The following CTNNA2 variants were observed in gnomAD, a reference collection of about 807,000 sequenced individuals.
CTNNA2 encodes catenin alpha-2.
In CTNNA2, 42 loss-of-function variants were observed where a neutral mutation model predicts 101.0. That is an observed-to-expected ratio of 0.42 (90% CI 0.32 to 0.54). CTNNA2 has a LOEUF of 0.54. Ranked by LOEUF, CTNNA2 falls within the 20% of genes least tolerant of loss-of-function variation. The pLI, the probability that CTNNA2 is intolerant of heterozygous loss-of-function variation, is 0.14. For synonymous variants in CTNNA2, 450 were observed against 456.4 expected, an observed-to-expected ratio of 0.99 and a Z score of 0.18; for missense variants, 871 against 1,223.1, an observed-to-expected ratio of 0.71 and a Z score of 4.29.
intron 4 of CTNNA2, among the ~76,000 whole-genome samples, chr2:79,374,902 C>T (rs1038988536): frequency 1.3e-5 from 2 of 152,122 alleles, no homozygotes; most frequent in African/African-American, 4.8e-5. Context: ...AAGTCAGGCT[C>T]ATGACCTGTG....
chr2:79,262,633 GT>G (rs886732510), intron 2 of CTNNA2, among the ~76,000 whole-genome samples: 22 of 152,132 alleles, frequency 1.4e-4, no homozygotes, highest in African/African-American at 5.1e-4. Flanking sequence ...CTGGGATCTG[GT>G]TTAAAATGCG....
rs1674634461 is a variant in CTNNA2, at chr2:80,363,649, T to A, written c.1057-29562T>A. ...AGAATTGAGTCCTGCCACATTCTTA[T>A]AATGGTGCGTGCATATGGGTAGCAG... On this transcript the variant is annotated intron_variant, in intron 7 of 18. Transcript: ENST00000402739. 2.6e-5 allele frequency among the ~76,000 whole-genome samples: 4 copies of A among 152,296 alleles called. No homozygotes were observed. In the South Asian group the frequency reaches 8.3e-4, roughly 32 times the overall value.
intron 3 of CTNNA2, among the ~76,000 whole-genome samples, chr2:79,759,658 C>A (rs1309143766): frequency 6.6e-6 from 1 of 152,156 alleles, no homozygotes; most frequent in South Asian, 2.1e-4. Flanking sequence ...CCTTTCCCTC[C>A]CACTTTTTTC....
At chr2:79,371,048 T>A (rs1225677092) in intron 3 of CTNNA2, among the ~76,000 whole-genome samples, 1 of 152,048 alleles carries the variant, frequency 6.6e-6, no homozygotes, top group Non-Finnish European at 1.5e-5. Flanking sequence ...TCAGAGAAGT[T>A]TCTCTGCCAC....
chr2:80,371,018 C>G (rs1240601052), intron 7 of CTNNA2, among the ~76,000 whole-genome samples: 2 of 152,004 alleles, frequency 1.3e-5, no homozygotes, highest in Non-Finnish European at 2.9e-5. Flanking sequence ...CGGGAGGAAA[C>G]AGCATGGCCT....
chr2:80,469,812 C>A (rs187038160), intron 9 of CTNNA2, among the ~76,000 whole-genome samples: 1 of 152,218 alleles, frequency 6.6e-6, no homozygotes, highest in East Asian at 1.9e-4. Flanking sequence ...TGGTGGGGAA[C>A]CTTTAAGCAA....
At chr2:80,572,947 A>G (rs1694728276) in intron 12 of CTNNA2, 1 of 152,144 alleles carries the variant, frequency 6.6e-6, no homozygotes, top group South Asian at 2.1e-4. Flanking sequence ...TTTTCCTGGT[A>G]GAAATACATT....
intron 9 of CTNNA2, among the ~76,000 whole-genome samples, chr2:80,454,390 G>A (rs1279037672): frequency 6.6e-6 from 1 of 152,176 alleles, no homozygotes; most frequent in African/African-American, 2.4e-5. Context: ...GACTGTCATG[G>A]TGGGACTTAG....
chr2:80,626,505 G>C (rs529154907), intron 18 of CTNNA2, among the ~76,000 whole-genome samples: 2 of 152,138 alleles, frequency 1.3e-5, no homozygotes, highest in Admixed American at 6.6e-5. Context: ...CCATACATAT[G>C]GTTTGCTGCA....
chr2:79,781,397 C>G, intron 3 of CTNNA2, among the ~76,000 whole-genome samples: 1 of 152,156 alleles, frequency 6.6e-6, no homozygotes, highest in Non-Finnish European at 1.5e-5. Context: ...CTTCCTGTGA[C>G]TTAGAATGCC....
chr2:79,536,040 G>A (rs148774559), intron 1 of CTNNA2, among the ~76,000 whole-genome samples: 4 of 152,294 alleles, frequency 2.6e-5, no homozygotes, highest in East Asian at 1.9e-4. Context: ...GGGATGCAAC[G>A]TAGACAGATA....
intron 1 of CTNNA2, among the ~76,000 whole-genome samples, chr2:79,617,430 A>G (rs990957849): frequency 6.6e-6 from 1 of 151,788 alleles, no homozygotes; most frequent in African/African-American, 2.4e-5. Flanking sequence ...TGATCTTTCT[A>G]TGTTATTTCT....
At chr2:80,049,714 A>G (rs1696747971) in intron 7 of CTNNA2, among the ~76,000 whole-genome samples, 1 of 152,146 alleles carries the variant, frequency 6.6e-6, no homozygotes, top group African/African-American at 2.4e-5. Context: ...GCTTCTGCTG[A>G]GGGCACTTCT....
chr2:80,378,344 A>G (rs1226940477), intron 7 of CTNNA2, among the ~76,000 whole-genome samples: 3 of 150,106 alleles, frequency 2.0e-5, no homozygotes, highest in Non-Finnish European at 4.4e-5. Context: ...CAACAAGAGC[A>G]AAACTCTGTC....
At chr2:79,697,420 A>G (rs536736885) in intron 2 of CTNNA2, among the ~76,000 whole-genome samples, 7 of 152,188 alleles carry the variant, frequency 4.6e-5, no homozygotes, top group African/African-American at 1.7e-4. Context: ...TGTCAACACA[A>G]GCCATCAAGT....
intron 7 of CTNNA2, among the ~76,000 whole-genome samples, chr2:80,097,803 A>G (rs1008260713): frequency 6.6e-6 from 1 of 152,098 alleles, no homozygotes; most frequent in Non-Finnish European, 1.5e-5. Context: ...CGCATTGCCT[A>G]CTGAGGCTTA....
intron 9 of CTNNA2, among the ~76,000 whole-genome samples, chr2:80,472,849 T>G (rs1685417505): frequency 6.6e-6 from 1 of 152,140 alleles, no homozygotes; most frequent in Admixed American, 6.5e-5. Context: ...ACTGGTTTAT[T>G]ATTTTAGTGA....
intron 7 of CTNNA2, among the ~76,000 whole-genome samples, chr2:80,216,014 C>A (rs1708243534): frequency 6.6e-6 from 1 of 152,218 alleles, no homozygotes; most frequent in African/African-American, 2.4e-5. Flanking sequence ...TCTCAGACTG[C>A]TGTGCTAGCA....
chr2:79,495,431 A>T (rs1238838336), intron 4 of CTNNA2, among the ~76,000 whole-genome samples: 2 of 152,206 alleles, frequency 1.3e-5, no homozygotes, highest in African/African-American at 4.8e-5. Flanking sequence ...ACCAAATCAC[A>T]CCTATTAGGA....
Sources: gnomAD v4.1 joint callset for allele counts (sites outside exome capture counted in the v4.1 genomes callset) on GRCh38, gnomAD v4.1.1 for gene constraint, MANE v1.5 for transcripts, NCBI Gene and HGNC (gene_info 2026-07-23, HGNC 2026-07-21) for gene names.